NRBP1: variants seen among roughly 807,000 people sequenced by gnomAD.
The protein encoded by NRBP1 is nuclear receptor-binding protein.
A neutral mutation model predicts 76.0 loss-of-function variants in NRBP1; 10 were observed. That is an observed-to-expected ratio of 0.13 (90% CI 0.08 to 0.22). NRBP1 has a LOEUF of 0.22. Ranked by LOEUF, NRBP1 falls within the 10% of genes least tolerant of loss-of-function variation. NRBP1 has a pLI of 1.00. For missense variants in NRBP1, 344 were observed against 646.0 expected (o/e 0.53, Z 5.07); for synonymous variants, 235 against 240.2 (o/e 0.98, Z 0.20).
At chr2:27,437,916 G>A (rs936231960) in intron 10 of NRBP1, among the ~76,000 whole-genome samples, 2 of 151,780 alleles carry the variant, frequency 1.3e-5, no homozygotes, top group African/African-American at 4.8e-5. Context: ...GCTGGGTGCA[G>A]TGGCTCACAC....
chr2:27,429,194 C>T (rs1011036407), intron 1 of NRBP1: 5 of 152,424 alleles, frequency 3.3e-5, no homozygotes, highest in South Asian at 2.1e-4. Context: ...AGGTGGCCGC[C>T]GCTGGCTCCC....
upstream of NRBP1, chr2:27,428,614 G>A (rs904468803): frequency 2.5e-6 from 1 of 397,794 alleles, no homozygotes; most frequent in African/African-American, 2.1e-5. Context: ...GCGCCGCGAG[G>A]GCGGGGCCCG....
chr2:27,441,414 A>G, intron 16 of NRBP1, 84 bp downstream of exon 16: 1 of 1,440,678 alleles, frequency 6.9e-7, no homozygotes, highest in Non-Finnish European at 9.8e-7. Flanking sequence ...GGAGGTGACA[A>G]GGCAGTAACA....
intron 10 of NRBP1, 128 bp from the exon 11 acceptor site, chr2:27,439,638 T>C: frequency 2.0e-6 from 2 of 989,358 alleles, no homozygotes; most frequent in Non-Finnish European, 2.9e-6. Flanking sequence ...TTCAATATAT[T>C]GTTTTCTCAG....
In NRBP1 at chr2:27,441,138, G is replaced by A; in HGVS notation, c.1341G>A (p.Met447Ile). The A allele has an allele frequency of 6.2e-7, 1 of 1,613,768 alleles. No individual in the cohort carries two copies. The highest frequency in any genetic ancestry group is 8.5e-7 in the Non-Finnish European group (1 of 1,180,014). ...TCTTCCCTCCCTAGGTGGTGCTGAT[G>A]CAGTGCAACATTGAGTCGGTGGAGG... ...AEVETRKVVL[M>I]QCNIESVEEG... is the part of the protein sequence containing the mutation. The change falls in exon 15 of 18, where the codon ATG (methionine) becomes ATA (isoleucine). Residue 447 changes from methionine to isoleucine, a missense_variant. By Grantham distance (10) the Met-to-Ile change is conservative. Transcript: ENST00000379852.
chr2:27,436,007 T>A (rs886735303), intron 7 of NRBP1: 6 of 579,330 alleles, frequency 1.0e-5, no homozygotes, highest in African/African-American at 7.5e-5. Flanking sequence ...TCCCAGATCA[T>A]ACTGTGCTCC....
At chr2:27,437,867 C>T (rs1419269588) in intron 10 of NRBP1, among the ~76,000 whole-genome samples, 9 of 136,736 alleles carry the variant, frequency 6.6e-5, no homozygotes, top group Non-Finnish European at 9.4e-5. Flanking sequence ...AGGTAGACTC[C>T]GTCTCAGAAA....
At chr2:27,438,493 G>A (rs185211299) in intron 10 of NRBP1, among the ~76,000 whole-genome samples, 1 of 152,330 alleles carries the variant, frequency 6.6e-6, no homozygotes, top group African/African-American at 2.4e-5. Flanking sequence ...GTATAGTAGG[G>A]AACAGGAGAG....
rs753530740 is a variant in NRBP1 at position 27,435,231 on chromosome 2, A to AGG, written c.661+7_661+8dup. 2 of 1,612,854 alleles carry AGG rather than the reference A, an allele frequency of 1.2e-6. No homozygotes were observed. The highest frequency in any genetic ancestry group is 4.5e-5 in the East Asian group (2 of 44,884). Reference sequence around the variant, plus strand: ...GGACTCATCAAGATTGGCTCTGGTGAGGGGAGGGAGAGGTTCTGGGCAGGG... The same window carrying AGG: ...GGACTCATCAAGATTGGCTCTGGTGAGGGGGGAGGGAGAGGTTCTGGGCAGGG... On this transcript the variant is annotated splice_donor_region_variant and intron_variant, in intron 7 of 17. Transcript: ENST00000379852.
At chr2:27,435,845 C>T (rs780283374) in intron 7 of NRBP1, 3 of 713,918 alleles carry the variant, frequency 4.2e-6, no homozygotes, top group Admixed American at 2.0e-5. Flanking sequence ...AACCCTCTTC[C>T]CCTATCTTCC....
Position 27,441,194 on chromosome 2 carries a change from C to G in NRBP1, c.1383+14C>G. 6.2e-7 allele frequency: 1 copy of G among 1,614,008 alleles called. No homozygotes were observed. The highest frequency in any genetic ancestry group is 1.1e-5 in the South Asian group (1 of 91,076). ...GTCAAACACCACGTAAGGCTCAGGG[C>G]TAGGGTTGCGCAGGGCTAGTAGCCA... On this transcript the variant is annotated intron_variant, in intron 15 of 17. Transcript: ENST00000379852.
At chr2:27,433,555 A>C in intron 2 of NRBP1, 72 bp downstream of exon 2, 1 of 1,602,854 alleles carries the variant, frequency 6.2e-7, no homozygotes, top group South Asian at 1.1e-5. Context: ...GCAAAGTCTT[A>C]AAAGAGGCCA....
chr2:27,439,819 A>T lies in NRBP1; in HGVS notation c.957A>T (p.Arg319Ser). 1 of 1,614,106 alleles carries T rather than the reference A, an allele frequency of 6.2e-7. No homozygotes were observed. The highest frequency in any genetic ancestry group is 8.5e-7 in the Non-Finnish European group (1 of 1,180,004). Reference protein sequence around the residue: ...QSEPARRPTARELLFHPALFE... With the variant: ...QSEPARRPTASELLFHPALFE... ...AGCCTGCTCGCAGACCAACAGCCAG[A>T]GAACTTCTGTTCCACCCAGCATTGT... The change falls in exon 11 of 18, where the codon AGA becomes AGT. Residue 319 changes from arginine (R) to serine (S), a missense_variant. Physicochemically the swap from Arg to Ser is moderately radical, Grantham distance 110. Transcript: ENST00000379852.
chr2:27,436,659 T>C, intron 7 of NRBP1, 94 bp from the exon 8 acceptor site: 1 of 1,004,126 alleles, frequency 1.0e-6, no homozygotes, highest in Non-Finnish European at 1.6e-6. Flanking sequence ...GAAAGGAGAC[T>C]TCAGGAGAGA....
intron 1 of NRBP1, chr2:27,429,088 T>C (rs1201449624): frequency 6.0e-6 from 1 of 167,510 alleles, no homozygotes; most frequent in Non-Finnish European, 1.3e-5. Context: ...CTGCGGAAGC[T>C]CGGCGGCCTG....
At chr2:27,441,020 T>G in intron 14 of NRBP1, 80 bp downstream of exon 14, 1 of 1,609,084 alleles carries the variant, frequency 6.2e-7, no homozygotes, top group South Asian at 1.1e-5. Flanking sequence ...GCTCTATCCT[T>G]TAGAGAAAAT....
rs1664580182 is a variant in NRBP1, at chr2:27,441,765, G to A, written c.1561G>A (p.Ala521Thr). ...AGAGACCTTGAACAAGTTCAATTTT[G>A]CCAGGAACAGTACCCTCAACTCAGC... ...LEETLNKFNFARNSTLNSAAV... is the reference protein window; with the variant it reads ...LEETLNKFNFTRNSTLNSAAV... Residue 521 changes from alanine (A) to threonine (T), a missense_variant, in exon 18 of 18, where the codon GCC (alanine) becomes ACC (threonine). Ala to Thr is a moderately conservative substitution (Grantham distance 58, BLOSUM62 0). Coordinates refer to ENST00000379852, the MANE Select transcript of NRBP1 (RefSeq NM_013392.4). 1.2e-6 allele frequency: 2 copies of A among 1,613,810 alleles called. No homozygotes were observed. The highest frequency in any genetic ancestry group is 1.7e-6 in the Non-Finnish European group (2 of 1,179,910).
chr2:27,428,536 C>A (rs1360500344), upstream of NRBP1: 3 of 396,112 alleles, frequency 7.6e-6, no homozygotes, highest in African/African-American at 4.1e-5. Context: ...AGGGCCGGGC[C>A]CCGCCCACCC....
In NRBP1 at chr2:27,440,709, G is replaced by A. The variant is rs1664506623; in HGVS notation, c.1193+7G>A. On this transcript the variant is annotated splice_region_variant and intron_variant, in intron 13 of 17. Transcript: ENST00000379852. Reference sequence around the variant, plus strand: ...AATTCCTTGAAGATGTCAGGTGAGAGCAGAGTGAGAAGCAGGCTTTCTTGA... The same window carrying A: ...AATTCCTTGAAGATGTCAGGTGAGAACAGAGTGAGAAGCAGGCTTTCTTGA... 6.2e-7 allele frequency: 1 copy of A among 1,614,068 alleles called. No homozygotes were observed. Among genetic ancestry groups the A allele is most frequent in the African/African-American group, 1.3e-5 (1 of 74,944 alleles).
Sources: gnomAD v4.1 joint callset for allele counts (sites outside exome capture counted in the v4.1 genomes callset) on GRCh38, gnomAD v4.1.1 for gene constraint, MANE v1.5 for transcripts, NCBI Gene and HGNC (gene_info 2026-07-23, HGNC 2026-07-21) for gene names.